NCALD: variants seen among roughly 807,000 people sequenced by gnomAD.
The protein encoded by NCALD is neurocalcin-delta.
A neutral mutation model predicts 18.6 loss-of-function variants in NCALD; 10 were observed. The ratio of observed to expected loss-of-function variants is 0.54; its 90% CI spans 0.33 to 0.91. The LOEUF is 0.91. Among genes scored for constraint, NCALD ranks in the 40% least tolerant of loss-of-function variants. The pLI is 0.03. For synonymous variants in NCALD, 88 were observed against 87.4 expected, an observed-to-expected ratio of 1.01 and a Z score of -0.04; for missense variants, 184 against 247.6, an observed-to-expected ratio of 0.74 and a Z score of 1.72.
chr8:101,689,266 G>T lies in NCALD; in HGVS notation c.*43C>A. ...AAATTGTTAAAAAGAAGAATCAAAA[G>T]GGAACACAAGCAGCTCTACAATTCG... On this transcript the variant is annotated 3_prime_UTR_variant, in exon 4 of 4. Transcript: ENST00000220931. This position sits in a 1 kb window ranked among gnomAD's most constrained non-coding sequence, Gnocchi z 4.4. 6.4e-7 allele frequency: 1 copy of T among 1,565,050 alleles called. No individual in the cohort carries two copies. The highest frequency in any genetic ancestry group is 8.7e-7 in the Non-Finnish European group (1 of 1,143,206).
chr8:102,094,226 G>C (rs1825018255), intron 1 of NCALD, among the ~76,000 whole-genome samples: 1 of 152,134 alleles, frequency 6.6e-6, no homozygotes, highest in African/African-American at 2.4e-5. Context: ...AGAATACTAT[G>C]AAATTTGCAA....
intron 2 of NCALD, among the ~76,000 whole-genome samples, chr8:102,014,157 C>A (rs1822000060): frequency 6.6e-6 from 1 of 152,282 alleles, no homozygotes; most frequent in East Asian, 1.9e-4. Flanking sequence ...TAATAAAATA[C>A]CATAGACTGC....
At chr8:102,114,901 A>C (rs537233837) in intron 1 of NCALD, among the ~76,000 whole-genome samples, 1 of 152,314 alleles carries the variant, frequency 6.6e-6, no homozygotes, top group East Asian at 1.9e-4. Context: ...AGGCAGAGGA[A>C]ACTGGCCTGG....
intron 1 of NCALD, among the ~76,000 whole-genome samples, chr8:102,087,052 T>C (rs906676702): frequency 1.3e-5 from 2 of 152,150 alleles, no homozygotes; most frequent in African/African-American, 4.8e-5. Flanking sequence ...GAAATAACCA[T>C]AAAAATGGGC....
chr8:101,926,543 G>C (rs191611028), intron 2 of NCALD, among the ~76,000 whole-genome samples: 2 of 152,096 alleles, frequency 1.3e-5, no homozygotes, highest in South Asian at 4.1e-4. Flanking sequence ...GACTATTTCC[G>C]TTTTAAATAA....
At position 101,687,470 on chromosome 8, in the gene NCALD, C is replaced by T. The variant is rs1234716847; in HGVS notation, c.*1839G>A. ...TGGAGGAAGACTAGGATTATTTTTA[C>T]AGAGTCTAGGTCTCAAAATTTCACC... On this transcript the variant is annotated 3_prime_UTR_variant, in exon 4 of 4. Transcript: ENST00000220931. 1 of 152,662 alleles carries T rather than the reference C, an allele frequency of 6.6e-6. No individual in the cohort carries two copies. Among genetic ancestry groups the T allele is most frequent in the East Asian group, 1.9e-4 (1 of 5,198 alleles). The allele number at this position is 152,662 out of a possible 1,614,324, so 9.5% of individuals were successfully genotyped here. A position where few individuals can be genotyped will look rare whatever the true frequency, so the allele number is the denominator to read the frequency against.
At chr8:102,008,513 C>T (rs1418409114) in intron 2 of NCALD, among the ~76,000 whole-genome samples, 1 of 150,742 alleles carries the variant, frequency 6.6e-6, no homozygotes, top group Non-Finnish European at 1.5e-5. Flanking sequence ...ATCATTCTGG[C>T]CTTCCTTCTG....
rs868810536 is a variant in NCALD, at chr8:101,839,870, G to A, written c.-20+47271C>T. ...GGAAGCATGTGTTAGGTTCGGTCTC[G>A]GAGGGCAAGGATCTCACCAATTAGT... On this transcript the variant is annotated intron_variant, in intron 4 of 6. Coordinates refer to the NCALD transcript ENST00000311028. 3.9e-5 allele frequency among the ~76,000 whole-genome samples: 6 copies of A among 152,018 alleles called. No individual in the cohort carries two copies. The South Asian group carries it at 8.3e-4, about 21-fold the overall frequency.
chr8:101,962,497 T>C (rs1034602806), intron 2 of NCALD, among the ~76,000 whole-genome samples: 1 of 152,192 alleles, frequency 6.6e-6, no homozygotes, highest in African/African-American at 2.4e-5. Context: ...CTGCTTCCTT[T>C]ACCCTTTTCT....
chr8:101,776,297 G>A (rs1162125281), intron 1 of NCALD, among the ~76,000 whole-genome samples: 1 of 152,058 alleles, frequency 6.6e-6, no homozygotes, highest in Non-Finnish European at 1.5e-5. Flanking sequence ...TTTCAGGAAA[G>A]ACAAACCCAG....
rs190976575 is a variant in NCALD at position 102,041,121 on chromosome 8, G to A, written c.-209-20832C>T. The stretch of plus-strand genomic sequence containing the variant: ...ACTGGTAGGAGAAAATAGCATATCT[G>A]AGCAAATATCTACTTATCTCCTTTC... On this transcript the variant is annotated intron_variant, in intron 1 of 6. Transcript: ENST00000311028. Among the ~76,000 whole-genome samples the A allele has an allele frequency of 6.4e-4, 98 of 152,272 alleles. No individual in the cohort carries two copies. The East Asian group carries it at 0.015, about 24-fold the overall frequency.
chr8:101,709,391 G>C (rs901795584), intron 2 of NCALD, among the ~76,000 whole-genome samples: 6 of 152,128 alleles, frequency 3.9e-5, no homozygotes, highest in African/African-American at 1.2e-4. Context: ...AGGTACAGAT[G>C]GTCTAATGTT....
intron 1 of NCALD, among the ~76,000 whole-genome samples, chr8:102,110,127 G>A (rs1346477133): frequency 3.3e-5 from 5 of 152,082 alleles, no homozygotes. Flanking sequence ...CTGGCTCCCT[G>A]GAAGAGGAAA....
intron 1 of NCALD, among the ~76,000 whole-genome samples, chr8:102,034,460 A>G (rs1586956021): frequency 1.3e-5 from 2 of 152,184 alleles, no homozygotes; most frequent in East Asian, 1.9e-4. Context: ...TGGATGAAAA[A>G]GAGACAAAGG....
intron 1 of NCALD, among the ~76,000 whole-genome samples, chr8:102,094,790 C>T (rs1186111697): frequency 6.6e-6 from 1 of 152,104 alleles, no homozygotes; most frequent in African/African-American, 2.4e-5. Flanking sequence ...GAAATCTGGA[C>T]CCAGACATAC....
chr8:101,965,579 A>T (rs1186073024), intron 2 of NCALD, among the ~76,000 whole-genome samples: 1 of 152,116 alleles, frequency 6.6e-6, no homozygotes, highest in Non-Finnish European at 1.5e-5. Context: ...ACACATGGAC[A>T]CAGGGAGGGG....
At chr8:101,857,368 A>T (rs549916029) in intron 4 of NCALD, among the ~76,000 whole-genome samples, 8 of 152,314 alleles carry the variant, frequency 5.3e-5, no homozygotes, top group African/African-American at 1.7e-4. Context: ...TCTAATACTG[A>T]CACAGCCAAA....
chr8:101,729,795 T>C (rs557810165), intron 1 of NCALD, among the ~76,000 whole-genome samples: 36 of 152,260 alleles, frequency 2.4e-4, no homozygotes, highest in Non-Finnish European at 4.9e-4. Context: ...CATTTCAGGC[T>C]GAAAGGGGCC....
intron 1 of NCALD, among the ~76,000 whole-genome samples, chr8:102,105,419 G>T (rs1218207150): frequency 6.6e-6 from 1 of 152,128 alleles, no homozygotes. Flanking sequence ...CAACACAAAG[G>T]CAGGTAATTA....
Sources: gnomAD v4.1 joint callset for allele counts (sites outside exome capture counted in the v4.1 genomes callset) on GRCh38, gnomAD v4.1.1 for gene constraint, Gnocchi (gnomAD v3.1) non-coding constraint, MANE v1.5 for transcripts, NCBI Gene and HGNC (gene_info 2026-07-23, HGNC 2026-07-21) for gene names.